Variants in HAPSTR1 observed in about 807,000 individuals in gnomAD.
HAPSTR1 encodes the protein HUWE1 associated protein modifying stress responses.
chr16:9,104,196 C>A, the HAPSTR1 span: 5 of 151,380 alleles, frequency 3.3e-5, no homozygotes, highest in African/African-American at 1.2e-4. Context: ...CTCACCGCGA[C>A]CTCTACCTCT....
the HAPSTR1 span, chr16:9,112,609 TA>T: frequency 6.6e-6 from 1 of 152,358 alleles, no homozygotes; most frequent in Middle Eastern, 3.4e-3. Flanking sequence ...GTGTGACCTC[TA>T]ACTATGTGCC....
chr16:9,120,479 T>TA, the HAPSTR1 span: 1 of 139,992 alleles, frequency 7.1e-6, no homozygotes. Flanking sequence ...TTACTTCCTA[T>TA]AATGGGATCT....
the HAPSTR1 span, chr16:9,092,394 G>A: frequency 1.1e-6 from 1 of 882,934 alleles, no homozygotes; most frequent in Non-Finnish European, 1.5e-6. Context: ...ATCCCGGCCG[G>A]TGGCTCCGCG....
the HAPSTR1 span, among the ~76,000 whole-genome samples, chr16:9,094,950 G>C: frequency 2.0e-5 from 3 of 152,184 alleles, no homozygotes; most frequent in Non-Finnish European, 4.4e-5. Flanking sequence ...GATGGGTTCA[G>C]CAGTTGAACT....
chr16:9,120,565 T>C, the HAPSTR1 span: 5 of 152,282 alleles, frequency 3.3e-5, no homozygotes, highest in African/African-American at 1.2e-4. Flanking sequence ...CCCTCATTTT[T>C]TTTTTATTTA....
At chr16:9,093,093 A>G in the HAPSTR1 span, 1 of 1,246,104 alleles carries the variant, frequency 8.0e-7, no homozygotes, top group Non-Finnish European at 1.1e-6. Context: ...TCTGCTCCCC[A>G]GCCCAGCTGC....
chr16:9,092,638 C>CGG, the HAPSTR1 span, among the ~76,000 whole-genome samples: 1 of 151,026 alleles, frequency 6.6e-6, no homozygotes, highest in Admixed American at 6.7e-5. Context: ...GAGCCGGCCT[C>CGG]GGGGCGGGGA....
chr16:9,094,236 G>T, the HAPSTR1 span, among the ~76,000 whole-genome samples: 1 of 152,006 alleles, frequency 6.6e-6, no homozygotes, highest in African/African-American at 2.4e-5. Context: ...TAATAGTCCA[G>T]TCTTACTGAA....
At chr16:9,099,432 A>C in the HAPSTR1 span, among the ~76,000 whole-genome samples, 1 of 152,096 alleles carries the variant, frequency 6.6e-6, no homozygotes, top group African/African-American at 2.4e-5. Flanking sequence ...GCTTCAAGTG[A>C]TCCACCCACC....
At chr16:9,109,749 C>T in the HAPSTR1 span, 1 of 152,036 alleles carries the variant, frequency 6.6e-6, no homozygotes, top group Non-Finnish European at 1.5e-5. Context: ...CTCAGGCAGT[C>T]TAGCCTTTAA....
chr16:9,110,676 A>G, the HAPSTR1 span: 4 of 152,214 alleles, frequency 2.6e-5, no homozygotes, highest in South Asian at 6.2e-4. Flanking sequence ...TTCCATCACT[A>G]TAGCTAAATA....
At chr16:9,093,217 G>A in the HAPSTR1 span, among the ~76,000 whole-genome samples, 1 of 152,112 alleles carries the variant, frequency 6.6e-6, no homozygotes, top group African/African-American at 2.4e-5. Flanking sequence ...GCCTGGGGAC[G>A]TTTTTGGTTG....
At chr16:9,111,609 G>C in the HAPSTR1 span, 4 of 152,108 alleles carry the variant, frequency 2.6e-5, no homozygotes, top group African/African-American at 9.7e-5. Flanking sequence ...ATAAAATTTT[G>C]TTGGACTTTT....
chr16:9,106,793 T>C, the HAPSTR1 span: 1 of 152,184 alleles, frequency 6.6e-6, no homozygotes, highest in African/African-American at 2.4e-5. Flanking sequence ...TGTTATCCTA[T>C]AATAATGTTA....
the HAPSTR1 span, chr16:9,105,212 CAT>C: frequency 1.9e-4 from 29 of 152,216 alleles, no homozygotes; most frequent in Admixed American, 1.9e-3. Flanking sequence ...ATAATTTTCA[CAT>C]GTTTAAGTTG....
the HAPSTR1 span, among the ~76,000 whole-genome samples, chr16:9,098,354 C>T: frequency 3.2e-3 from 484 of 152,232 alleles, 5 homozygotes; most frequent in African/African-American, 0.011. Flanking sequence ...AAAATATTAT[C>T]CCCCTGGTTC....
At chr16:9,119,184 G>A in the HAPSTR1 span, 11 of 152,348 alleles carry the variant, frequency 7.2e-5, no homozygotes, top group South Asian at 1.0e-3. Context: ...TCCTTTCCCC[G>A]ACGCACAGAA....
At chr16:9,101,186 T>G in the HAPSTR1 span, among the ~76,000 whole-genome samples, 1 of 152,234 alleles carries the variant, frequency 6.6e-6, no homozygotes, top group Admixed American at 6.5e-5. Context: ...CACTACAAGG[T>G]CATCTTTAGG....
the HAPSTR1 span, among the ~76,000 whole-genome samples, chr16:9,094,931 G>T: frequency 6.6e-6 from 1 of 152,142 alleles, no homozygotes; most frequent in Non-Finnish European, 1.5e-5. Flanking sequence ...CTAACTTTTC[G>T]TGTAAGAAGA....
Sources: allele counts gnomAD v4.1 joint callset (sites outside exome capture counted in the v4.1 genomes callset), GRCh38; gene constraint gnomAD v4.1.1; transcripts MANE v1.5; gene names NCBI Gene and HGNC (gene_info 2026-07-23, HGNC 2026-07-21).